Variants in MCTP1 observed in about 807,000 individuals in gnomAD.
MCTP1 encodes multiple C2 and transmembrane domain containing 1.
Under a neutral mutation model 120.6 loss-of-function variants are expected in MCTP1, and 69 were observed. The ratio of observed to expected loss-of-function variants is 0.57; its 90% CI spans 0.47 to 0.70. The LOEUF (loss-of-function observed/expected upper bound fraction) is 0.70, where lower values mean the gene tolerates loss of function less well. Among genes scored for constraint, MCTP1 ranks in the 30% least tolerant of loss-of-function variants. The pLI, the probability that MCTP1 is intolerant of heterozygous loss-of-function variation, is 0.00. For missense variants in MCTP1, 1,203 were observed against 1,248.8 expected, an observed-to-expected ratio of 0.96 and a Z score of 0.55; for synonymous variants, 529 against 493.1, an observed-to-expected ratio of 1.07 and a Z score of -0.96.
intron 17 of MCTP1, chr5:94,867,857 T>C (rs1797113049): frequency 6.3e-6 from 1 of 158,442 alleles, no homozygotes; most frequent in South Asian, 1.9e-4. Flanking sequence ...ATAGGTCACA[T>C]CCACTTCCAG....
At chr5:95,263,901 A>G (rs1235963112) in intron 1 of MCTP1, among the ~76,000 whole-genome samples, 4 of 152,108 alleles carry the variant, frequency 2.6e-5, no homozygotes, top group Non-Finnish European at 5.9e-5. Flanking sequence ...TCCAGTCTCC[A>G]CCCAGGGGCA....
intron 1 of MCTP1, among the ~76,000 whole-genome samples, chr5:95,276,820 C>G (rs1178811): frequency 5.3e-5 from 8 of 151,526 alleles, no homozygotes; most frequent in African/African-American, 1.9e-4. Context: ...GGCATGGTGG[C>G]GGGCGCCTGC....
chr5:95,180,216 C>A (rs1400290901), intron 1 of MCTP1, among the ~76,000 whole-genome samples: 1 of 152,154 alleles, frequency 6.6e-6, no homozygotes, highest in Non-Finnish European at 1.5e-5. Context: ...CTTGAATACT[C>A]CACTGTCAGC....
At chr5:94,781,797 C>T (rs1300938400) in intron 18 of MCTP1, among the ~76,000 whole-genome samples, 2 of 152,238 alleles carry the variant, frequency 1.3e-5, no homozygotes, top group Admixed American at 6.5e-5. Context: ...TAATTGGCTA[C>T]GCACAATTGC....
At chr5:95,219,058 T>C (rs1753362469) in intron 1 of MCTP1, among the ~76,000 whole-genome samples, 1 of 152,186 alleles carries the variant, frequency 6.6e-6, no homozygotes, top group African/African-American at 2.4e-5. Context: ...GAAAAAATGA[T>C]TTTTCTAATT....
intron 1 of MCTP1, among the ~76,000 whole-genome samples, chr5:95,233,477 C>T (rs550392243): frequency 9.5e-4 from 145 of 152,048 alleles, no homozygotes; most frequent in African/African-American, 3.4e-3. Context: ...TACAGGTGCC[C>T]GCCACCAGGC....
chr5:95,283,512 G>A (rs1760485887), intron 1 of MCTP1, among the ~76,000 whole-genome samples: 1 of 152,132 alleles, frequency 6.6e-6, no homozygotes, highest in African/African-American at 2.4e-5. Context: ...TAAGTTATTG[G>A]GTTAGTTTTT....
At chr5:95,193,898 T>A (rs564281962) in intron 1 of MCTP1, among the ~76,000 whole-genome samples, 1 of 152,102 alleles carries the variant, frequency 6.6e-6, no homozygotes, top group Non-Finnish European at 1.5e-5. Flanking sequence ...CTGAGGAAAC[T>A]GAGGAACAAA....
intron 2 of MCTP1, among the ~76,000 whole-genome samples, chr5:94,955,469 C>G (rs1822354052): frequency 6.6e-6 from 1 of 152,188 alleles, no homozygotes; most frequent in Admixed American, 6.5e-5. Context: ...AGTGGTCTTG[C>G]TCAGTGGATC....
At chr5:95,190,037 G>C (rs1749657740) in intron 1 of MCTP1, among the ~76,000 whole-genome samples, 1 of 152,100 alleles carries the variant, frequency 6.6e-6, no homozygotes, top group Admixed American at 6.6e-5. Context: ...GCATGTTCCA[G>C]GGAAAAGCTT....
chr5:95,103,714 T>C (rs1409487801), intron 1 of MCTP1, among the ~76,000 whole-genome samples: 5 of 152,158 alleles, frequency 3.3e-5, no homozygotes, highest in African/African-American at 9.7e-5. Flanking sequence ...ATGTCTCCAA[T>C]GTAGGGGATT....
At chr5:94,869,384 C>T (rs961546765) in intron 16 of MCTP1, among the ~76,000 whole-genome samples, 7 of 151,932 alleles carry the variant, frequency 4.6e-5, no homozygotes, top group African/African-American at 1.7e-4. Context: ...ATGTGCATGC[C>T]AGTTTTAACA....
chr5:94,868,489 G>T, intron 16 of MCTP1, 37 bp from the exon 17 acceptor site: 4 of 1,520,904 alleles, frequency 2.6e-6, no homozygotes, highest in Non-Finnish European at 3.5e-6. Context: ...TAATTTGCAA[G>T]ACTAAAAACC....
At chr5:94,710,738 G>T in intron 21 of MCTP1, 80 bp downstream of exon 21, 1 of 844,542 alleles carries the variant, frequency 1.2e-6, no homozygotes, top group Non-Finnish European at 1.9e-6. Flanking sequence ...GGGAACTGCT[G>T]ACAGTGTAAC....
At chr5:94,946,991 T>C (rs1023000315) in intron 3 of MCTP1, among the ~76,000 whole-genome samples, 1 of 152,222 alleles carries the variant, frequency 6.6e-6, no homozygotes, top group Non-Finnish European at 1.5e-5. Flanking sequence ...CTGGGCTAGA[T>C]GGAACAGCCT....
At chr5:95,152,766 C>A (rs1195212843) in intron 1 of MCTP1, among the ~76,000 whole-genome samples, 1 of 152,186 alleles carries the variant, frequency 6.6e-6, no homozygotes, top group Non-Finnish European at 1.5e-5. Context: ...GATACAGGAA[C>A]AAACATCAGC....
At chr5:95,133,604 G>A (rs1271125245) in intron 1 of MCTP1, among the ~76,000 whole-genome samples, 3 of 152,218 alleles carry the variant, frequency 2.0e-5, no homozygotes, top group Non-Finnish European at 4.4e-5. Flanking sequence ...GCAGTGAGCC[G>A]AGATCGTGCC....
At chr5:94,953,124 T>C in intron 3 of MCTP1, 95 bp downstream of exon 3, 2 of 1,157,322 alleles carry the variant, frequency 1.7e-6, no homozygotes, top group Non-Finnish European at 2.4e-6. Flanking sequence ...ACATCTCTGG[T>C]GAAAACTCTC....
At chr5:94,853,203 G>A (rs369285603) in intron 17 of MCTP1, among the ~76,000 whole-genome samples, 11 of 151,880 alleles carry the variant, frequency 7.2e-5, no homozygotes, top group African/African-American at 2.2e-4. Context: ...TAGGTAGGGC[G>A]GGGGAGAGAA....
Sources: allele counts gnomAD v4.1 joint callset (sites outside exome capture counted in the v4.1 genomes callset), GRCh38; gene constraint gnomAD v4.1.1; transcripts MANE v1.5; gene names NCBI Gene and HGNC (gene_info 2026-07-23, HGNC 2026-07-21).